Variants in DTNBP1 observed in about 807,000 individuals in gnomAD.
DTNBP1 encodes dysbindin.
In DTNBP1, 35 loss-of-function variants were observed where a neutral mutation model predicts 42.8. That is an observed-to-expected ratio of 0.82 (90% CI 0.63 to 1.09). The LOEUF is 1.09. Among genes scored for constraint, DTNBP1 ranks in the 50% least tolerant of loss-of-function variants. The pLI, the probability that DTNBP1 is intolerant of heterozygous loss-of-function variation, is 0.00. For missense variants in DTNBP1, 457 were observed against 424.2 expected (o/e 1.08, Z -0.68); for synonymous variants, 171 against 162.2 (o/e 1.05, Z -0.41).
chr6:15,606,217 T>C lies in DTNBP1; in HGVS notation c.488+9050A>G, dbSNP rs1339500253. Among the ~76,000 whole-genome samples the C allele has an allele frequency of 2.6e-5, 4 of 152,250 alleles. No individual in the cohort carries two copies. The East Asian group carries it at 7.7e-4, about 29-fold the overall frequency. Reference sequence around the variant, plus strand: ...AAGCCACTGTCACGTTTATTTTATTTTGTGTTTATTTATTTTATAATGGGT... The same window carrying C: ...AAGCCACTGTCACGTTTATTTTATTCTGTGTTTATTTATTTTATAATGGGT... On this transcript the variant is annotated intron_variant, in intron 6 of 9. Transcript: ENST00000344537.
Position 15,587,209 on chromosome 6 carries a change from C to T in DTNBP1, c.511+5850G>A, listed in dbSNP as rs1776112984. Among the ~76,000 whole-genome samples, 1 of 152,162 alleles carries T rather than the reference C, an allele frequency of 6.6e-6. No homozygotes were observed. Among genetic ancestry groups the T allele is most frequent in the African/African-American group, 2.4e-5 (1 of 41,430 alleles). On this transcript the variant is annotated intron_variant, in intron 7 of 9. Transcript: ENST00000344537. This position sits in a 1 kb window ranked among gnomAD's most constrained non-coding sequence, Gnocchi z 4.1. ...TATTAAGGAATAAATTTAAGACTCA[C>T]ATATTGAAAACAACAAAACTGCTTA...
At chr6:15,523,559 T>G in intron 9 of DTNBP1, 1 of 1,191,034 alleles carries the variant, frequency 8.4e-7, no homozygotes, top group Non-Finnish European at 1.0e-6. Context: ...ATAATCTAGA[T>G]TTCTTTTTTT....
chr6:15,648,911 C>T (rs1760835148), intron 3 of DTNBP1, among the ~76,000 whole-genome samples: 1 of 152,002 alleles, frequency 6.6e-6, no homozygotes, highest in African/African-American at 2.4e-5. Flanking sequence ...AAATGACCTT[C>T]AACAGCCAAA....
chr6:15,586,066 G>T (rs1489379416), intron 7 of DTNBP1: 3 of 1,128,132 alleles, frequency 2.7e-6, no homozygotes, highest in Admixed American at 4.8e-5. Flanking sequence ...AAATGGAGGG[G>T]AGGGAAGGCT....
intron 6 of DTNBP1, among the ~76,000 whole-genome samples, chr6:15,595,687 A>G (rs894024897): frequency 6.6e-6 from 1 of 152,180 alleles, no homozygotes; most frequent in East Asian, 1.9e-4. Context: ...TTGGAAATAT[A>G]GAAAATGTAA....
intron 6 of DTNBP1, 119 bp from the exon 7 acceptor site, chr6:15,593,200 A>G (rs1776370997): frequency 1.1e-6 from 1 of 882,448 alleles, no homozygotes; most frequent in East Asian, 2.7e-5. Flanking sequence ...GTATTTCTGG[A>G]TCTTCACATA....
intron 5 of DTNBP1, among the ~76,000 whole-genome samples, chr6:15,623,025 G>A (rs553998910): frequency 3.9e-5 from 6 of 152,310 alleles, no homozygotes; most frequent in East Asian, 1.9e-4. Context: ...AAATGCTTAC[G>A]TTACACTTTT....
intron 7 of DTNBP1, among the ~76,000 whole-genome samples, chr6:15,577,576 T>C (rs559226408): frequency 8.5e-5 from 13 of 152,198 alleles, no homozygotes; most frequent in Non-Finnish European, 1.9e-4. Flanking sequence ...AACAGCGCTA[T>C]CATCTAATGA....
At chr6:15,525,840 A>C (rs73369547) in intron 8 of DTNBP1, among the ~76,000 whole-genome samples, 4,093 of 152,298 alleles carry the variant, frequency 0.027, 196 homozygotes, top group African/African-American at 0.092. Context: ...AGATAACTCT[A>C]TTCAAAGAAG....
chr6:15,569,456 CCA>C (rs1775248019), intron 7 of DTNBP1, among the ~76,000 whole-genome samples: 1 of 151,276 alleles, frequency 6.6e-6, no homozygotes, highest in Non-Finnish European at 1.5e-5. Context: ...TCAATGATCC[CCA>C]GACATCAGCC....
At chr6:15,528,586 C>T (rs1409985658) in intron 8 of DTNBP1, among the ~76,000 whole-genome samples, 1 of 152,166 alleles carries the variant, frequency 6.6e-6, no homozygotes, top group Non-Finnish European at 1.5e-5. Context: ...CCAAAGGTGT[C>T]GTTTCATTCC....
intron 7 of DTNBP1, among the ~76,000 whole-genome samples, chr6:15,571,698 C>G (rs1182991636): frequency 2.6e-5 from 4 of 152,188 alleles, no homozygotes; most frequent in Non-Finnish European, 2.9e-5. Flanking sequence ...GGGGTCAATT[C>G]ATAGTATTGT....
chr6:15,523,010 C>CCT lies in DTNBP1; in HGVS notation c.1019_1020dup (p.Ala341ArgfsTer45). 2.5e-6 allele frequency: 4 copies of CCT among 1,614,242 alleles called. No individual in the cohort carries two copies. The highest frequency in any genetic ancestry group is 3.4e-6 in the Non-Finnish European group (4 of 1,180,046). ...CTGTCCTCACCACCATCCGGAGTGG[C>CCT]CTCTCTGTCAGTGTGTGATGTGGCC... On this transcript the variant is annotated frameshift_variant, in exon 10 of 10. Coordinates refer to ENST00000344537, the MANE Select transcript of DTNBP1 (RefSeq NM_032122.5). LOFTEE classifies it high-confidence loss of function.
At chr6:15,527,355 A>G (rs1320247886) in intron 8 of DTNBP1, among the ~76,000 whole-genome samples, 7 of 152,242 alleles carry the variant, frequency 4.6e-5, no homozygotes, top group Non-Finnish European at 7.3e-5. Flanking sequence ...CCATTCTCCA[A>G]TCACAATGAA....
intron 7 of DTNBP1, among the ~76,000 whole-genome samples, chr6:15,544,145 ATATGT>A (rs1773739851): frequency 6.6e-6 from 1 of 152,156 alleles, no homozygotes; most frequent in Non-Finnish European, 1.5e-5. Flanking sequence ...ATGTTATTTC[ATATGT>A]TATGTAAGTG....
At chr6:15,613,765 C>T (rs1171652762) in intron 6 of DTNBP1, among the ~76,000 whole-genome samples, 3 of 152,064 alleles carry the variant, frequency 2.0e-5, no homozygotes, top group African/African-American at 7.2e-5. Context: ...ACACATACAA[C>T]CTTTTGTGAA....
At chr6:15,596,072 C>T (rs1017142585) in intron 6 of DTNBP1, among the ~76,000 whole-genome samples, 1 of 152,076 alleles carries the variant, frequency 6.6e-6, no homozygotes, top group African/African-American at 2.4e-5. Context: ...CTAATTAATA[C>T]TTGGCAAGAG....
chr6:15,603,635 CTTTG>C (rs1470075353), intron 6 of DTNBP1, among the ~76,000 whole-genome samples: 5 of 152,152 alleles, frequency 3.3e-5, no homozygotes, highest in African/African-American at 1.2e-4. Context: ...TACTCTTGAG[CTTTG>C]TTTGTTATAC....
At chr6:15,599,410 T>G (rs968689862) in intron 6 of DTNBP1, among the ~76,000 whole-genome samples, 1 of 152,152 alleles carries the variant, frequency 6.6e-6, no homozygotes, top group Admixed American at 6.5e-5. Flanking sequence ...GAACTGGGAA[T>G]AAAACCCACA....
Sources: gnomAD v4.1 joint callset for allele counts (sites outside exome capture counted in the v4.1 genomes callset) on GRCh38, gnomAD v4.1.1 for gene constraint, Gnocchi (gnomAD v3.1) non-coding constraint, MANE v1.5 for transcripts, NCBI Gene and HGNC (gene_info 2026-07-23, HGNC 2026-07-21) for gene names.